PCBP2: variants seen among roughly 807,000 people sequenced by gnomAD.
The protein encoded by PCBP2 is poly(rC) binding protein 2.
In PCBP2, 4 loss-of-function variants were observed where a neutral mutation model predicts 50.1. The ratio of observed to expected loss-of-function variants is 0.08; its 90% CI spans 0.04 to 0.18. The LOEUF (loss-of-function observed/expected upper bound fraction) is 0.18, where lower values mean the gene tolerates loss of function less well. Ranked by LOEUF, PCBP2 falls within the 10% of genes least tolerant of loss-of-function variation. The pLI is 1.00. For synonymous variants in PCBP2, 179 were observed against 168.0 expected (o/e 1.07, Z -0.51); for missense variants, 161 against 474.3 (o/e 0.34, Z 6.14).
chr12:53,454,730 T>C lies in PCBP2; in HGVS notation c.-71T>C. 1 of 1,269,292 alleles carries C rather than the reference T, an allele frequency of 7.9e-7. No homozygotes were observed. The highest frequency in any genetic ancestry group is 2.3e-5 in the East Asian group (1 of 43,196). 78.6% of individuals were successfully genotyped at this position (1,269,292 alleles called of 1,614,324 possible). On this transcript the variant is annotated 5_prime_UTR_variant, in exon 2 of 15. Transcript: ENST00000546463. ...TTGGTCATGTTTGCATTTTAGTTTT[T>C]GGCTTTCACCCCCAACCAGTGACCA...
At chr12:53,477,739 CT>C (rs1199710960) in intron 14 of PCBP2, among the ~76,000 whole-genome samples, 3 of 141,556 alleles carry the variant, frequency 2.1e-5, no homozygotes, top group Non-Finnish European at 4.6e-5. Flanking sequence ...CCATTTCTGA[CT>C]AAAAGTAAAT....
At chr12:53,460,663 A>G (rs1941390890) in intron 6 of PCBP2, 2 of 231,018 alleles carry the variant, frequency 8.7e-6, no homozygotes, top group South Asian at 5.2e-5. Context: ...TGATGTAAAT[A>G]TTTTTTCAGT....
chr12:53,476,149 A>T (rs571926446), intron 14 of PCBP2: 1 of 152,344 alleles, frequency 6.6e-6, no homozygotes, highest in South Asian at 2.1e-4. Flanking sequence ...ACATGATGCC[A>T]TCCACTAGTC....
chr12:53,464,637 G>C, intron 8 of PCBP2, 123 bp from the exon 9 acceptor site: 1 of 1,336,510 alleles, frequency 7.5e-7, no homozygotes, highest in Non-Finnish European at 1.0e-6. Context: ...TTCAAATTGT[G>C]TCTGAGCTCC....
chr12:53,452,778 C>T (rs1225001106), intron 1 of PCBP2: 1 of 152,020 alleles, frequency 6.6e-6, no homozygotes, highest in Non-Finnish European at 1.5e-5. Flanking sequence ...CGCTATTAGT[C>T]CGGCCCCTCC....
chr12:53,469,684 GCCATCGCACT>G, intron 13 of PCBP2, among the ~76,000 whole-genome samples: 1 of 151,768 alleles, frequency 6.6e-6, no homozygotes, highest in African/African-American at 2.4e-5. Flanking sequence ...CCGAGATCGC[GCCATCGCACT>G]CCAGCCTGGG....
intron 13 of PCBP2, among the ~76,000 whole-genome samples, chr12:53,470,894 C>T (rs1186042949): frequency 6.6e-6 from 1 of 151,506 alleles, no homozygotes; most frequent in East Asian, 1.9e-4. Flanking sequence ...GAATGTATTT[C>T]TACCTTTATC....
chr12:53,471,741 A>T lies in PCBP2; in HGVS notation c.986A>T (p.Asp329Val). 1.2e-6 allele frequency: 2 copies of T among 1,613,556 alleles called. No homozygotes were observed. The highest frequency in any genetic ancestry group is 1.1e-5 in the South Asian group (1 of 91,050). The part of the protein sequence containing the change: ...KIANPVEGST[D>V]RQVTITGSAA... ...GCGAACCCAGTGGAAGGATCTACTGATAGGCAGGTTACCATCACTGGATCT... is the reference window on the plus strand; with the variant it reads ...GCGAACCCAGTGGAAGGATCTACTGTTAGGCAGGTTACCATCACTGGATCT... The change falls in exon 14 of 15, where the codon GAT becomes GTT. Residue 329 changes from aspartate to valine, a missense_variant. Asp to Val is a radical substitution (Grantham distance 152). Around this residue, in one of 7 missense-constraint regions of PCBP2, gnomAD observed 51 missense variants for 193.0 expected, o/e 0.26. Transcript: ENST00000546463.
At chr12:53,475,951 A>G (rs976059113) in intron 14 of PCBP2, 3 of 152,218 alleles carry the variant, frequency 2.0e-5, no homozygotes, top group African/African-American at 7.2e-5. Flanking sequence ...AATGGTTACC[A>G]TGAGGATCTC....
At chr12:53,479,324 C>T (rs1942891366) in intron 14 of PCBP2, 82 bp from the exon 15 acceptor site, 3 of 1,235,902 alleles carry the variant, frequency 2.4e-6, no homozygotes, top group Non-Finnish European at 3.6e-6. Context: ...GTTATTTACT[C>T]TTCACATTTC....
chr12:53,461,494 A>G (rs1941439878), intron 7 of PCBP2, among the ~76,000 whole-genome samples: 1 of 152,186 alleles, frequency 6.6e-6, no homozygotes, highest in Non-Finnish European at 1.5e-5. Context: ...TTACATGGAA[A>G]TTTGACATGT....
At chr12:53,459,510 A>G in intron 6 of PCBP2, 107 bp downstream of exon 6, 1 of 942,574 alleles carries the variant, frequency 1.1e-6, no homozygotes, top group South Asian at 1.6e-5. Context: ...TTATTGAAGT[A>G]ACAGTTCTAG....
intron 5 of PCBP2, among the ~76,000 whole-genome samples, chr12:53,457,933 T>G (rs549778074): frequency 1.1e-4 from 17 of 152,266 alleles, no homozygotes; most frequent in South Asian, 4.1e-4. Context: ...GGTTTGTTTT[T>G]TTTGTTTGTT....
At chr12:53,477,283 T>G (rs1261344217) in intron 14 of PCBP2, among the ~76,000 whole-genome samples, 2 of 152,160 alleles carry the variant, frequency 1.3e-5, no homozygotes, top group African/African-American at 2.4e-5. Context: ...CTTCAGTTCT[T>G]ACTGAACCCT....
rs1172446416 is a variant in PCBP2, at chr12:53,462,547, G to C, written c.559G>C (p.Val187Leu). 1 of 1,613,238 alleles carries C rather than the reference G, an allele frequency of 6.2e-7. No homozygotes were observed. Among genetic ancestry groups the C allele is most frequent in the Non-Finnish European group, 8.5e-7 (1 of 1,179,494 alleles). ...PYRPKPSSSP[V>L]IFAGGQDRYS... ...CCGGCCCAAGCCGTCCAGCTCTCCG[G>C]TCATCTTTGCAGGTGGTCAGGTAAG... is the stretch of plus-strand genomic sequence containing the variant. The change falls in exon 8 of 15, where the codon GTC becomes CTC. Residue 187 changes from valine to leucine, a missense_variant. Transcript: ENST00000546463.
intron 5 of PCBP2, among the ~76,000 whole-genome samples, chr12:53,458,866 C>T (rs767408559): frequency 1.2e-4 from 19 of 152,054 alleles, no homozygotes; most frequent in Non-Finnish European, 2.1e-4. Context: ...CTTGAACTCC[C>T]TGACCTGAAA....
At chr12:53,477,062 T>C (rs561238802) in intron 14 of PCBP2, among the ~76,000 whole-genome samples, 1 of 152,264 alleles carries the variant, frequency 6.6e-6, no homozygotes, top group African/African-American at 2.4e-5. Flanking sequence ...CCATGTGGTC[T>C]TTTATCCTAG....
chr12:53,460,902 G>A (rs1399902402), intron 6 of PCBP2, 113 bp from the exon 7 acceptor site: 11 of 1,168,922 alleles, frequency 9.4e-6, no homozygotes, highest in Non-Finnish European at 1.4e-5. Flanking sequence ...AAAAAGGGAA[G>A]ATTGGAAATG....
chr12:53,478,371 G>T (rs1352451909), intron 14 of PCBP2, among the ~76,000 whole-genome samples: 2 of 152,080 alleles, frequency 1.3e-5, no homozygotes, highest in East Asian at 3.9e-4. Flanking sequence ...AGCTGGGCAT[G>T]GTGACAGCTG....
Sources: gnomAD v4.1 joint callset for allele counts (sites outside exome capture counted in the v4.1 genomes callset) on GRCh38, gnomAD v4.1.1 for gene constraint, gnomAD v4.1.1 regional missense constraint, MANE v1.5 for transcripts, NCBI Gene and HGNC (gene_info 2026-07-23, HGNC 2026-07-21) for gene names.